KCNK2: variants seen among roughly 807,000 people sequenced by gnomAD.
KCNK2 encodes the protein potassium two pore domain channel subfamily K member 2.
In KCNK2, 21 loss-of-function variants were observed where a neutral mutation model predicts 40.5. The observed-to-expected ratio is 0.52, with a 90% CI of 0.37 to 0.75. The LOEUF is 0.75. Among genes scored for constraint, KCNK2 ranks in the 30% least tolerant of loss-of-function variants. The pLI is 0.00. For missense variants in KCNK2, 399 were observed against 531.6 expected (o/e 0.75, Z 2.45); for synonymous variants, 191 against 202.2 (o/e 0.94, Z 0.47).
intron 1 of KCNK2, among the ~76,000 whole-genome samples, chr1:215,041,115 G>T (rs2102492549): frequency 6.6e-6 from 1 of 152,278 alleles, no homozygotes; most frequent in Non-Finnish European, 1.5e-5. Context: ...CACTCAATGT[G>T]TCAGAAATCA....
intron 2 of KCNK2, among the ~76,000 whole-genome samples, chr1:215,117,357 G>A (rs1660990965): frequency 1.3e-5 from 2 of 152,040 alleles, no homozygotes; most frequent in African/African-American, 4.8e-5. Context: ...TGTTCTCTCA[G>A]AATAACATTC....
chr1:215,040,025 A>G (rs1558065771), intron 1 of KCNK2, among the ~76,000 whole-genome samples: 2 of 152,198 alleles, frequency 1.3e-5, no homozygotes, highest in East Asian at 1.9e-4. Flanking sequence ...GGGGAGGGAT[A>G]AGCATGGTAT....
intron 3 of KCNK2, among the ~76,000 whole-genome samples, chr1:215,131,092 C>T (rs1293068070): frequency 1.3e-5 from 2 of 150,806 alleles, no homozygotes; most frequent in Non-Finnish European, 3.0e-5. Context: ...GATCTCCTGA[C>T]CTTGTGATCC....
intron 6 of KCNK2, among the ~76,000 whole-genome samples, chr1:215,204,953 C>A (rs1488613828): frequency 6.6e-6 from 1 of 152,094 alleles, no homozygotes; most frequent in African/African-American, 2.4e-5. Flanking sequence ...TTGATTTGAA[C>A]CAAATGAACA....
At chr1:215,087,233 C>G (rs1659485099) in intron 2 of KCNK2, among the ~76,000 whole-genome samples, 1 of 152,178 alleles carries the variant, frequency 6.6e-6, no homozygotes, top group African/African-American at 2.4e-5. Flanking sequence ...ACCTCTGAAG[C>G]CAAGGTATAA....
At chr1:215,204,012 T>C in intron 6 of KCNK2, among the ~76,000 whole-genome samples, 1 of 108,388 alleles carries the variant, frequency 9.2e-6, no homozygotes, top group South Asian at 3.2e-4. Flanking sequence ...CACTCCAGCC[T>C]GGGCGATAGA....
At chr1:215,142,174 T>C (rs1465919468) in intron 3 of KCNK2, among the ~76,000 whole-genome samples, 1 of 152,176 alleles carries the variant, frequency 6.6e-6, no homozygotes, top group African/African-American at 2.4e-5. Flanking sequence ...TTTACTCATC[T>C]CTTTTCCTAA....
Position 215,086,552 on chromosome 1 carries a change from C to T in KCNK2, c.231C>T (p.Ala77=). The T allele has an allele frequency of 6.2e-7, 1 of 1,614,170 alleles. No homozygotes were observed. The highest frequency in any genetic ancestry group is 8.5e-7 in the Non-Finnish European group (1 of 1,180,028). The change falls in exon 2 of 7, where the codon GCC becomes GCT. Residue 77 remains alanine, a synonymous_variant. Coordinates refer to ENST00000444842, the MANE Select transcript of KCNK2 (RefSeq NM_001017425.3). ...LVVVLYLIIG[A]TVFKALEQPH... is the part of the protein sequence containing the mutation. ...TTGTCCTCTATCTGATCATCGGAGC[C>T]ACCGTGTTCAAAGCATTGGAGCAGC...
At chr1:215,093,999 C>T (rs536748510) in intron 2 of KCNK2, among the ~76,000 whole-genome samples, 14 of 137,382 alleles carry the variant, frequency 1.0e-4, no homozygotes, top group African/African-American at 3.0e-4. Flanking sequence ...GGTGCAAATG[C>T]GGTTTTTGTC....
At chr1:215,179,506 G>T (rs1449756788) in intron 5 of KCNK2, among the ~76,000 whole-genome samples, 2 of 151,820 alleles carry the variant, frequency 1.3e-5, no homozygotes, top group Non-Finnish European at 2.9e-5. Flanking sequence ...GTAGGCATTT[G>T]GCAATATAAA....
At chr1:215,211,682 A>G (rs1186833773) in intron 6 of KCNK2, among the ~76,000 whole-genome samples, 2 of 152,180 alleles carry the variant, frequency 1.3e-5, no homozygotes, top group African/African-American at 2.4e-5. Flanking sequence ...GAATGGATGA[A>G]TGGGTGTAGA....
At chr1:215,110,396 G>A (rs1018356139) in intron 2 of KCNK2, among the ~76,000 whole-genome samples, 1 of 151,978 alleles carries the variant, frequency 6.6e-6, no homozygotes, top group Non-Finnish European at 1.5e-5. Flanking sequence ...TATGTATAGT[G>A]TAAGCTAAGG....
At chr1:215,113,848 G>T (rs1293893657) in intron 2 of KCNK2, among the ~76,000 whole-genome samples, 1 of 152,010 alleles carries the variant, frequency 6.6e-6, no homozygotes, top group African/African-American at 2.4e-5. Flanking sequence ...TGCGCAACTC[G>T]GCCTCCCAAA....
intron 1 of KCNK2, chr1:215,006,039 G>T (rs1571840006): frequency 9.0e-7 from 1 of 1,116,056 alleles, no homozygotes; most frequent in East Asian, 2.4e-5. Flanking sequence ...GCAAGTATTT[G>T]ATGTAAGGAG....
intron 3 of KCNK2, among the ~76,000 whole-genome samples, chr1:215,142,260 A>G (rs923224577): frequency 6.6e-6 from 1 of 152,032 alleles, no homozygotes; most frequent in East Asian, 1.9e-4. Flanking sequence ...ATTTCCAAAC[A>G]TATTCTGGGT....
intron 6 of KCNK2, among the ~76,000 whole-genome samples, chr1:215,222,241 C>T (rs1666210261): frequency 7.0e-6 from 1 of 143,442 alleles, no homozygotes; most frequent in Non-Finnish European, 1.5e-5. Context: ...ACTATCCAAA[C>T]TATATTATCA....
chr1:215,148,415 A>T (rs1480985395), intron 3 of KCNK2, among the ~76,000 whole-genome samples: 1 of 152,064 alleles, frequency 6.6e-6, no homozygotes, highest in Non-Finnish European at 1.5e-5. Flanking sequence ...ATATGTACGT[A>T]TCAATAATTT....
chr1:215,201,025 G>A (rs535076456), intron 6 of KCNK2, among the ~76,000 whole-genome samples: 1 of 152,330 alleles, frequency 6.6e-6, no homozygotes, highest in East Asian at 1.9e-4. Flanking sequence ...CCTGAGAGCT[G>A]TGAATATAGA....
intron 5 of KCNK2, among the ~76,000 whole-genome samples, chr1:215,174,154 G>T (rs1208932204): frequency 6.6e-6 from 1 of 152,122 alleles, no homozygotes; most frequent in Non-Finnish European, 1.5e-5. Context: ...TGTATAAGGT[G>T]TAAGGAAGGG....
Sources: allele counts gnomAD v4.1 joint callset (sites outside exome capture counted in the v4.1 genomes callset), GRCh38; gene constraint gnomAD v4.1.1; transcripts MANE v1.5; gene names NCBI Gene and HGNC (gene_info 2026-07-23, HGNC 2026-07-21).